GALNT18: variants seen among roughly 807,000 people sequenced by gnomAD.
GALNT18 encodes GalNAc-transferase 18.
Under a neutral mutation model 69.5 loss-of-function variants are expected in GALNT18, and 44 were observed. That is an observed-to-expected ratio of 0.63 (90% CI 0.50 to 0.81). The LOEUF (loss-of-function observed/expected upper bound fraction) is 0.81, where lower values mean the gene tolerates loss of function less well. Ranked by LOEUF, GALNT18 falls within the 40% of genes least tolerant of loss-of-function variation. The pLI is 0.00. For missense variants in GALNT18, 715 were observed against 810.0 expected (o/e 0.88, Z 1.42); for synonymous variants, 364 against 318.2 (o/e 1.14, Z -1.53).
At chr11:11,610,196 T>G (rs1859860332) in intron 1 of GALNT18, among the ~76,000 whole-genome samples, 1 of 152,218 alleles carries the variant, frequency 6.6e-6, no homozygotes, top group African/African-American at 2.4e-5. Context: ...ACGTTTCTGC[T>G]AAAAGAAAGG....
intron 1 of GALNT18, among the ~76,000 whole-genome samples, chr11:11,479,772 C>T (rs1181702855): frequency 2.6e-5 from 4 of 152,188 alleles, no homozygotes; most frequent in African/African-American, 9.7e-5. Context: ...CCCAGTCCTT[C>T]TCTATCCCAC....
intron 1 of GALNT18, among the ~76,000 whole-genome samples, chr11:11,566,442 T>C (rs1858655093): frequency 1.3e-5 from 2 of 152,334 alleles, no homozygotes; most frequent in Admixed American, 1.3e-4. Flanking sequence ...TAAGTAACAC[T>C]ATTGTATTGA....
intron 9 of GALNT18, among the ~76,000 whole-genome samples, chr11:11,293,531 C>CTTTTTTTT (rs1564883642): frequency 3.3e-4 from 29 of 89,206 alleles, no homozygotes; most frequent in African/African-American, 1.3e-3. Flanking sequence ...TTACAAACCC[C>CTTTTTTTT]TCTTTTTTTT....
intron 1 of GALNT18, among the ~76,000 whole-genome samples, chr11:11,554,105 A>C (rs1178310501): frequency 6.6e-6 from 1 of 152,058 alleles, no homozygotes; most frequent in East Asian, 1.9e-4. Flanking sequence ...GGTGGTCACC[A>C]CTCCCTCCGC....
chr11:11,292,285 T>C (rs923053713), intron 10 of GALNT18, among the ~76,000 whole-genome samples: 2 of 152,250 alleles, frequency 1.3e-5, no homozygotes, highest in South Asian at 2.1e-4. Flanking sequence ...GCAGATTCCC[T>C]GGTGACTAGG....
rs1850530170 is a variant in GALNT18 at position 11,356,394 on chromosome 11, GAAGAACA to G, written c.1093-15397_1093-15391del. The stretch of plus-strand genomic sequence containing the variant: ...CGACCAGCATGCAGACTCAGCTAAA[GAAGAACA>G]AAGAACAAAAATGGAAACAAAAGGG... On this transcript the variant is annotated intron_variant, in intron 6 of 10. Transcript: ENST00000227756. This position sits in a 1 kb window ranked among gnomAD's most constrained non-coding sequence, Gnocchi z 4.4. Among the ~76,000 whole-genome samples the G allele has an allele frequency of 6.6e-6, 1 of 152,106 alleles. No homozygotes were observed. Among genetic ancestry groups the G allele is most frequent in the Non-Finnish European group, 1.5e-5 (1 of 68,006 alleles).
chr11:11,358,826 A>C (rs992686575), intron 6 of GALNT18, among the ~76,000 whole-genome samples: 2 of 110,822 alleles, frequency 1.8e-5, no homozygotes, highest in South Asian at 5.6e-4. Context: ...ATCCACACAA[A>C]ACACACACAC....
chr11:11,349,886 T>C (rs1431156066), intron 6 of GALNT18, among the ~76,000 whole-genome samples: 2 of 152,242 alleles, frequency 1.3e-5, no homozygotes, highest in Non-Finnish European at 2.9e-5. Flanking sequence ...CAAGCCCTCT[T>C]CTTGCAATCA....
Position 11,444,215 on chromosome 11 carries a change from C to T in GALNT18, c.428+4529G>A, listed in dbSNP as rs1318161678. Among the ~76,000 whole-genome samples, 1 of 151,782 alleles carries T rather than the reference C, an allele frequency of 6.6e-6. No individual in the cohort carries two copies. Among genetic ancestry groups the T allele is most frequent in the Non-Finnish European group, 1.5e-5 (1 of 67,916 alleles). On this transcript the variant is annotated intron_variant, in intron 2 of 10. Transcript: ENST00000227756. This position sits in a 1 kb window ranked among gnomAD's most constrained non-coding sequence, Gnocchi z 4.4. ...TGCAGATGCCACCCTCCAGGCCCCG[C>T]CTCCCTGCCACAGAGAGGTGCCTTG...
chr11:11,453,621 A>C (rs1855855781), intron 1 of GALNT18, among the ~76,000 whole-genome samples: 5 of 151,950 alleles, frequency 3.3e-5, no homozygotes, highest in Admixed American at 3.3e-4. Flanking sequence ...TGTGGGAGGG[A>C]CCCGGTGGAG....
chr11:11,611,093 A>G (rs12275977), intron 1 of GALNT18, among the ~76,000 whole-genome samples: 18,407 of 152,230 alleles, frequency 0.12, 1,561 homozygotes, highest in African/African-American at 0.24. Context: ...GCATAAACAG[A>G]AAGAGAGATT....
chr11:11,442,773 T>C (rs1473815892), intron 2 of GALNT18, among the ~76,000 whole-genome samples: 2 of 152,274 alleles, frequency 1.3e-5, no homozygotes, highest in Admixed American at 6.5e-5. Flanking sequence ...TGCCAACGCC[T>C]CCTGTCCTAG....
At chr11:11,349,089 C>T (rs1261046731) in intron 6 of GALNT18, among the ~76,000 whole-genome samples, 4 of 152,160 alleles carry the variant, frequency 2.6e-5, no homozygotes, top group Admixed American at 1.3e-4. Context: ...TGTTTGTGAA[C>T]GCTATATAAA....
chr11:11,407,991 C>G (rs1854630977), intron 3 of GALNT18, among the ~76,000 whole-genome samples: 2 of 152,290 alleles, frequency 1.3e-5, no homozygotes, highest in South Asian at 4.2e-4. Context: ...AGATGTAGCC[C>G]TCTCCCTGAG....
chr11:11,470,431 A>T lies in GALNT18; in HGVS notation c.236-21495T>A, dbSNP rs565085971. Among the ~76,000 whole-genome samples, 2 of 152,228 alleles carry T rather than the reference A, an allele frequency of 1.3e-5. No individual in the cohort carries two copies. The highest frequency in any genetic ancestry group is 2.9e-5 in the Non-Finnish European group (2 of 68,010). ...AGAAGCCCCCTATCCTTCTCCATTTATCTCACTTTCCCTCTGTCATCAGTG... is the reference window on the plus strand; with the variant it reads ...AGAAGCCCCCTATCCTTCTCCATTTTTCTCACTTTCCCTCTGTCATCAGTG... On this transcript the variant is annotated intron_variant, in intron 1 of 10. Coordinates refer to ENST00000227756, the MANE Select transcript of GALNT18 (RefSeq NM_198516.3). This position sits in a 1 kb window ranked among gnomAD's most constrained non-coding sequence, Gnocchi z 4.8.
At chr11:11,301,973 G>A (rs1323554615) in intron 9 of GALNT18, among the ~76,000 whole-genome samples, 1 of 152,204 alleles carries the variant, frequency 6.6e-6, no homozygotes, top group Non-Finnish European at 1.5e-5. Flanking sequence ...TGAGTAATGA[G>A]TCTAAAGACA....
intron 1 of GALNT18, among the ~76,000 whole-genome samples, chr11:11,502,100 TGA>T (rs1246670423): frequency 6.6e-6 from 1 of 152,330 alleles, no homozygotes; most frequent in East Asian, 1.9e-4. Context: ...CCCACAGTGC[TGA>T]GTGTAGAGCT....
In GALNT18 at chr11:11,572,130, C is replaced by T. The variant is rs74669441; in HGVS notation, c.235+49229G>A. 6.2e-3 allele frequency among the ~76,000 whole-genome samples: 946 copies of T among 152,328 alleles called. 14 individuals are homozygous for T. Among genetic ancestry groups the T allele is most frequent in the African/African-American group, 0.02 (849 of 41,580 alleles). On this transcript the variant is annotated intron_variant, in intron 1 of 10. Transcript: ENST00000227756. Reference sequence around the variant, plus strand: ...GTGCAAGCAGGCCTGTGCCGCAGGGCGTGGGCATCATCGAGTAGTGGTGTG... The same window carrying T: ...GTGCAAGCAGGCCTGTGCCGCAGGGTGTGGGCATCATCGAGTAGTGGTGTG...
intron 1 of GALNT18, among the ~76,000 whole-genome samples, chr11:11,487,390 T>A (rs1312624711): frequency 6.6e-6 from 1 of 151,996 alleles, no homozygotes; most frequent in African/African-American, 2.4e-5. Context: ...AAATACCACC[T>A]GTTCCCCAAA....
Sources: gnomAD v4.1 joint callset for allele counts (sites outside exome capture counted in the v4.1 genomes callset) on GRCh38, gnomAD v4.1.1 for gene constraint, Gnocchi (gnomAD v3.1) non-coding constraint, MANE v1.5 for transcripts, NCBI Gene and HGNC (gene_info 2026-07-23, HGNC 2026-07-21) for gene names.